The following CREB1 variants were observed in gnomAD, a reference collection of about 807,000 sequenced individuals.
CREB1 encodes cAMP responsive element binding protein 1.
CREB1 carries 2 observed loss-of-function variants against 42.0 expected under a neutral mutation model. The observed-to-expected ratio is 0.05, with a 90% confidence interval of 0.02 to 0.15. The LOEUF (loss-of-function observed/expected upper bound fraction) is 0.15, where lower values mean the gene tolerates loss of function less well. Among genes scored for constraint, CREB1 ranks in the 10% least tolerant of loss-of-function variants. CREB1 has a pLI of 1.00. For synonymous variants in CREB1, 123 were observed against 139.9 expected, an observed-to-expected ratio of 0.88 and a Z score of 0.85; for missense variants, 199 against 388.9, an observed-to-expected ratio of 0.51 and a Z score of 4.11.
intron 1 of CREB1, among the ~76,000 whole-genome samples, chr2:207,531,739 T>C (rs1406570158): frequency 2.6e-5 from 4 of 152,240 alleles, no homozygotes; most frequent in African/African-American, 9.6e-5. Context: ...CACTGTATGA[T>C]TGCATTGTGA....
In CREB1 at chr2:207,588,271, G is replaced by C. The variant is rs188044991; in HGVS notation, c.840-8643G>C. Among the ~76,000 whole-genome samples the C allele has an allele frequency of 1.7e-4, 26 of 152,114 alleles. No homozygotes were observed. In the East Asian group the frequency reaches 4.2e-3, roughly 25 times the overall value. ...TTTTTTTATATAGGAACATCCATTTGTTCCAGACCATTTGTTGAAAAGACT... is the reference window on the plus strand; with the variant it reads ...TTTTTTTATATAGGAACATCCATTTCTTCCAGACCATTTGTTGAAAAGACT... On this transcript the variant is annotated intron_variant, in intron 7 of 7. Coordinates refer to ENST00000353267, the MANE Select transcript of CREB1 (RefSeq NM_004379.5).
At chr2:207,576,457 G>A (rs1444184551) in intron 6 of CREB1, among the ~76,000 whole-genome samples, 1 of 151,914 alleles carries the variant, frequency 6.6e-6, no homozygotes, top group African/African-American at 2.4e-5. Context: ...AATGACAGTT[G>A]TATCCTTTCA....
chr2:207,575,533 A>G (rs1209921096), intron 6 of CREB1, 79 bp downstream of exon 6: 1 of 1,231,618 alleles, frequency 8.1e-7, no homozygotes, highest in Non-Finnish European at 1.1e-6. Context: ...AAAAGTAAGT[A>G]TCATATTGCA....
chr2:207,570,954 G>A (rs948692966), intron 5 of CREB1, among the ~76,000 whole-genome samples: 11 of 138,680 alleles, frequency 7.9e-5, no homozygotes, highest in Non-Finnish European at 1.6e-4. Flanking sequence ...TCTGTTATAA[G>A]ACACTTTTGA....
intron 5 of CREB1, among the ~76,000 whole-genome samples, chr2:207,573,788 C>G (rs1171151526): frequency 6.6e-6 from 1 of 152,156 alleles, no homozygotes; most frequent in Non-Finnish European, 1.5e-5. Context: ...AACTACAACC[C>G]AGTCTTGTCA....
At chr2:207,567,704 A>C (rs897362167) in intron 4 of CREB1, 141 bp downstream of exon 4, 2 of 526,482 alleles carry the variant, frequency 3.8e-6, no homozygotes, top group African/African-American at 3.8e-5. Flanking sequence ...TTTGTCTCAA[A>C]TAAAGTGGAA....
chr2:207,547,905 G>A (rs943994668), intron 1 of CREB1, among the ~76,000 whole-genome samples: 7 of 151,878 alleles, frequency 4.6e-5, no homozygotes, highest in Non-Finnish European at 8.8e-5. Context: ...GTCAAACCAT[G>A]CAATATGTTT....
In CREB1 at chr2:207,605,202, C is replaced by T. The variant is rs1274997539; in HGVS notation, c.*8144C>T. On this transcript the variant is annotated 3_prime_UTR_variant, in exon 8 of 8. Coordinates refer to ENST00000353267, the MANE Select transcript of CREB1 (RefSeq NM_004379.5). ...TTCCACCATTGATGTATGAGGGTTCCAATTTCTCCACACCTTCACCAACAC... is the reference window on the plus strand; with the variant it reads ...TTCCACCATTGATGTATGAGGGTTCTAATTTCTCCACACCTTCACCAACAC... Among the ~76,000 whole-genome samples, 1 of 152,136 alleles carries T rather than the reference C, an allele frequency of 6.6e-6. No individual in the cohort carries two copies. Among genetic ancestry groups the T allele is most frequent in the Non-Finnish European group, 1.5e-5 (1 of 68,016 alleles).
chr2:207,586,559 T>G (rs2083876749), intron 7 of CREB1, among the ~76,000 whole-genome samples: 2 of 152,036 alleles, frequency 1.3e-5, no homozygotes, highest in South Asian at 4.2e-4. Flanking sequence ...AGAAAAATAG[T>G]TAAGTGGAAA....
chr2:207,536,746 T>C (rs1237963236), intron 1 of CREB1, among the ~76,000 whole-genome samples: 2 of 151,852 alleles, frequency 1.3e-5, no homozygotes, highest in African/African-American at 4.8e-5. Context: ...TCCCGGCACT[T>C]TGGGAGGTCG....
intron 7 of CREB1, among the ~76,000 whole-genome samples, chr2:207,582,480 T>C (rs1285949522): frequency 6.6e-6 from 1 of 152,230 alleles, no homozygotes; most frequent in East Asian, 1.9e-4. Context: ...TCCAATACTA[T>C]TGTTATTTAT....
At chr2:207,546,364 A>G (rs2081301718) in intron 1 of CREB1, among the ~76,000 whole-genome samples, 1 of 152,226 alleles carries the variant, frequency 6.6e-6, no homozygotes, top group African/African-American at 2.4e-5. Context: ...GTAATGGTGG[A>G]CACATATCAT....
rs754934132 is a variant in CREB1, at chr2:207,575,426, A to G, written c.660A>G (p.Leu220=). The G allele has an allele frequency of 6.2e-7, 1 of 1,612,656 alleles. No homozygotes were observed. The highest frequency in any genetic ancestry group is 2.2e-5 in the East Asian group (1 of 44,866). Residue 220 remains leucine (L), a synonymous_variant, in exon 6 of 8, where the codon TTA becomes TTG. Transcript: ENST00000353267. ...AGACCACTGATGGACAGCAGATCTT[A>G]GTGCCCAGCAACCAAGTTGTTGTTC... is the stretch of plus-strand genomic sequence containing the variant. ...YAQTTDGQQI[L]VPSNQVVVQA... is the part of the protein sequence containing the mutation.
intron 1 of CREB1, among the ~76,000 whole-genome samples, chr2:207,536,939 A>G (rs1393732288): frequency 6.6e-6 from 1 of 151,652 alleles, no homozygotes; most frequent in Non-Finnish European, 1.5e-5. Context: ...GCAGTGAGCC[A>G]GTATCACCCC....
chr2:207,541,205 G>A (rs1349598363), intron 1 of CREB1, among the ~76,000 whole-genome samples: 1 of 151,790 alleles, frequency 6.6e-6, no homozygotes, highest in Non-Finnish European at 1.5e-5. Context: ...GGTGACAAGA[G>A]CAAGACTCCA....
At chr2:207,545,821 C>T (rs2081283237) in intron 1 of CREB1, among the ~76,000 whole-genome samples, 2 of 151,218 alleles carry the variant, frequency 1.3e-5, no homozygotes, top group African/African-American at 4.9e-5. Context: ...GCAACCTCTG[C>T]CTCCTAGGTT....
In CREB1 at chr2:207,560,276, A is replaced by G. The variant is rs770059062; in HGVS notation, c.165A>G (p.Leu55=). 37 of 1,613,958 alleles carry G rather than the reference A, an allele frequency of 2.3e-5. No homozygotes were observed. Among genetic ancestry groups the G allele is most frequent in the Admixed American group, 3.3e-5 (2 of 60,004 alleles). The part of the protein sequence containing the change: ...HATSSAPTVT[L]VQLPNGQTVQ... ...CATCATCTGCTCCCACCGTAACTCT[A>G]GTACAGCTGCCCAATGGGCAGACAG... Residue 55 remains leucine, a synonymous_variant, in exon 3 of 8, where the codon CTA becomes CTG. Transcript: ENST00000353267.
intron 1 of CREB1, among the ~76,000 whole-genome samples, chr2:207,542,360 C>T (rs1219224173): frequency 6.6e-6 from 1 of 152,044 alleles, no homozygotes; most frequent in Non-Finnish European, 1.5e-5. Flanking sequence ...TCAATTATAG[C>T]CATTCTACTG....
intron 1 of CREB1, among the ~76,000 whole-genome samples, chr2:207,553,056 G>A (rs2081575736): frequency 7.2e-6 from 1 of 139,600 alleles, no homozygotes; most frequent in African/African-American, 2.6e-5. Flanking sequence ...ATAACTTACA[G>A]GTAGACTTTT....
Sources: gnomAD v4.1 joint callset for allele counts (sites outside exome capture counted in the v4.1 genomes callset) on GRCh38, gnomAD v4.1.1 for gene constraint, MANE v1.5 for transcripts, NCBI Gene and HGNC (gene_info 2026-07-23, HGNC 2026-07-21) for gene names.